The following TSEN54 variants were observed in gnomAD, a reference collection of about 807,000 sequenced individuals.
TSEN54 encodes the protein tRNA-splicing endonuclease subunit Sen54.
TSEN54 carries 55 observed loss-of-function variants against 61.9 expected under a neutral mutation model. The ratio of observed to expected loss-of-function variants is 0.89; its 90% confidence interval spans 0.72 to 1.11. TSEN54 has a LOEUF of 1.11. Ranked by LOEUF, TSEN54 falls within the 50% of genes most tolerant of loss-of-function variation. The pLI is 0.00. For synonymous variants in TSEN54, 304 were observed against 288.7 expected, an observed-to-expected ratio of 1.05 and a Z score of -0.54; for missense variants, 760 against 687.7, an observed-to-expected ratio of 1.11 and a Z score of -1.18.
intron 5 of TSEN54, among the ~76,000 whole-genome samples, chr17:75,518,282 A>AT (rs1327782053): frequency 6.6e-6 from 1 of 152,206 alleles, no homozygotes; most frequent in Non-Finnish European, 1.5e-5. Context: ...CCATGAGCAC[A>AT]TGGATGGTAT....
chr17:75,518,914 G>T, intron 5 of TSEN54, 81 bp from the exon 6 acceptor site: 1 of 1,604,758 alleles, frequency 6.2e-7, no homozygotes, highest in South Asian at 1.1e-5. Context: ...GAGGGCTGTG[G>T]GGATGGCCTG....
Position 75,517,599 on chromosome 17 carries a change from C to T in TSEN54, c.412C>T (p.Gln138Ter), listed in dbSNP as rs1237068021. ...CCACCAAGACCTGCCACTGTCTATC[C>T]AGGAAGCTTACCAGCTGCTGCTGAC... ...LFHQDLPLSI[Q>*]EAYQLLLTDH... The change falls in exon 5 of 11, where the codon CAG becomes TAG. Residue 138 changes from glutamine to a stop codon, truncating the protein, a stop_gained. Transcript: ENST00000333213. LOFTEE classifies it high-confidence loss of function. 1 of 1,614,008 alleles carries T rather than the reference C, an allele frequency of 6.2e-7. No individual in the cohort carries two copies. The highest frequency in any genetic ancestry group is 1.7e-5 in the Admixed American group (1 of 60,022).
At chr17:75,522,874 T>TAA (rs58545411) in intron 8 of TSEN54, 267 of 262,904 alleles carry the variant, frequency 1.0e-3, no homozygotes, top group African/African-American at 4.5e-3. Flanking sequence ...ATGCTTATAC[T>TAA]AAAAAAAAAA....
intron 9 of TSEN54, 40 bp from the exon 10 acceptor site, chr17:75,523,623 A>G (rs1021562067): frequency 1.9e-6 from 3 of 1,613,988 alleles, no homozygotes; most frequent in Middle Eastern, 1.6e-4. Flanking sequence ...AAGGTTGGGG[A>G]GAAGAGTTCA....
At chr17:75,520,428 AAAAAAAAATC>A (rs1374161992) in intron 6 of TSEN54, among the ~76,000 whole-genome samples, 1 of 147,904 alleles carries the variant, frequency 6.8e-6, no homozygotes, top group Non-Finnish European at 1.5e-5. Context: ...AAAAAAAAAA[AAAAAAAAATC>A]AGCCAGGTGT....
chr17:75,516,628 C>T lies in TSEN54; in HGVS notation c.56+12C>T. The T allele has an allele frequency of 8.3e-7, 1 of 1,201,124 alleles. No individual in the cohort carries two copies. Among genetic ancestry groups the T allele is most frequent in the Non-Finnish European group, 1.0e-6 (1 of 969,596 alleles). The allele number at this position is 1,201,124 out of a possible 1,614,324, so 74.4% of individuals were successfully genotyped here. The stretch of plus-strand genomic sequence containing the variant: ...GGGCGCGTGCTCAGGTGCGGCGCGG[C>T]CCGGCCGGAGTGGGTGTCGGGGGCG... On this transcript the variant is annotated intron_variant, in intron 1 of 10. Coordinates refer to ENST00000333213, the MANE Select transcript of TSEN54 (RefSeq NM_207346.3).
chr17:75,522,389 G>A, intron 8 of TSEN54, 56 bp downstream of exon 8: 1 of 1,537,908 alleles, frequency 6.5e-7, no homozygotes, highest in East Asian at 2.4e-5. Context: ...GGAATCACAG[G>A]ACTTTGGAAA....
In TSEN54 at chr17:75,517,069, C is replaced by A; in HGVS notation, c.282C>A (p.Pro94=). The change falls in exon 3 of 11, where the codon CCC becomes CCA. Residue 94 remains proline (P), a synonymous_variant. Coordinates refer to ENST00000333213, the MANE Select transcript of TSEN54 (RefSeq NM_207346.3). ...PEEGFVELKS[P]AGKFWQTMGF... The stretch of plus-strand genomic sequence containing the variant: ...AGGGCTTCGTGGAGTTGAAGTCTCC[C>A]GCGGTGAGCGGCGGGCTCGGGGACC... 2 of 1,595,446 alleles carry A rather than the reference C, an allele frequency of 1.3e-6. No homozygotes were observed. Among genetic ancestry groups the A allele is most frequent in the East Asian group, 2.3e-5 (1 of 44,066 alleles).
chr17:75,518,672 T>C (rs2053398326), intron 5 of TSEN54: 1 of 985,320 alleles, frequency 1.0e-6, no homozygotes, highest in African/African-American at 1.7e-5. Context: ...GATCGGCAGC[T>C]TCACTCCTAT....
Position 75,522,139 on chromosome 17 carries a change from G to A in TSEN54, c.1058G>A (p.Arg353Gln), listed in dbSNP as rs748340945. ...QRKEKLSRREREHHAEAAQFQ... is the reference protein window; with the variant it reads ...QRKEKLSRREQEHHAEAAQFQ... ...AAGGAGAAGCTCTCCAGGCGGGAAC[G>A]GGAGCACCACGCGGAGGCCGCGCAG... Residue 353 changes from arginine to glutamine, a missense_variant, in exon 8 of 11, where the codon CGG becomes CAG. By Grantham distance (43) the Arg-to-Gln change is conservative (BLOSUM62 1). Transcript: ENST00000333213. 2.9e-5 allele frequency: 45 copies of A among 1,564,522 alleles called. No homozygotes were observed. Among genetic ancestry groups the A allele is most frequent in the Non-Finnish European group, 3.7e-5 (43 of 1,153,490 alleles).
chr17:75,522,469 C>A, intron 8 of TSEN54, 136 bp downstream of exon 8: 1 of 1,511,084 alleles, frequency 6.6e-7, no homozygotes, highest in South Asian at 1.2e-5. Context: ...CCCACAAGCA[C>A]GGTCAGTTCT....
In TSEN54 at chr17:75,519,044, C is replaced by T. The variant is rs2053401872; in HGVS notation, c.518C>T (p.Pro173Leu). ...RLGYVVRRFQ[P>L]SSVLSPYERQ... The stretch of plus-strand genomic sequence containing the variant: ...GGTTATGTGGTTCGACGATTCCAAC[C>T]AAGGTAAATCCCCTTCCTGTTCCCC... The change falls in exon 6 of 11, where the codon CCA becomes CTA. Residue 173 changes from proline (P) to leucine (L), a missense_variant. By Grantham distance (98) the Pro-to-Leu change is moderately conservative. Transcript: ENST00000333213. 3 of 1,613,960 alleles carry T rather than the reference C, an allele frequency of 1.9e-6. No homozygotes were observed. The East Asian group carries it at 6.7e-5, about 36-fold the overall frequency.
In TSEN54 at chr17:75,521,458, C is replaced by T; in HGVS notation, c.571C>T (p.Gln191Ter). ...GCAGCTTAACCTGGATGCCAGCGTG[C>T]AGCACTTGGAGGATGGAGATGGCAA... ...ERQLNLDASV[Q>*]HLEDGDGKRK... The change falls in exon 7 of 11, where the codon CAG becomes TAG. Residue 191 changes from glutamine (Q) to a stop codon, truncating the protein, a stop_gained. Transcript: ENST00000333213. LOFTEE classifies it high-confidence loss of function. The T allele has an allele frequency of 6.2e-7, 1 of 1,614,116 alleles. No individual in the cohort carries two copies. The highest frequency in any genetic ancestry group is 8.5e-7 in the Non-Finnish European group (1 of 1,180,024).
At chr17:75,522,673 G>A in intron 8 of TSEN54, 2 of 330,492 alleles carry the variant, frequency 6.1e-6, no homozygotes, top group Non-Finnish European at 8.6e-6. Flanking sequence ...GTGAAAGAAA[G>A]GCTTGCTGTC....
At chr17:75,517,778 G>C in intron 5 of TSEN54, 123 bp downstream of exon 5, 1 of 849,908 alleles carries the variant, frequency 1.2e-6, no homozygotes. Flanking sequence ...CGAGGGCTAT[G>C]CTGTCACGAG....
In TSEN54 at chr17:75,521,402, C is replaced by G. The variant is rs770120878; in HGVS notation, c.522-7C>G. 1.2e-5 allele frequency: 19 copies of G among 1,612,920 alleles called. No individual in the cohort carries two copies. Among genetic ancestry groups the G allele is most frequent in the Non-Finnish European group, 1.5e-5 (18 of 1,179,164 alleles). On this transcript the variant is annotated splice_polypyrimidine_tract_variant and splice_region_variant and intron_variant, in intron 6 of 10. Coordinates refer to ENST00000333213, the MANE Select transcript of TSEN54 (RefSeq NM_207346.3). ...TCAGTGGCCCACCCGCTGTTCTCAC[C>G]CCACAGCTCTGTCCTGTCCCCGTAT...
chr17:75,517,233 C>A lies in TSEN54; in HGVS notation c.358C>A (p.Leu120Ile). 1.3e-6 allele frequency: 2 copies of A among 1,599,686 alleles called. No individual in the cohort carries two copies. The highest frequency in any genetic ancestry group is 1.7e-6 in the Non-Finnish European group (2 of 1,173,370). Residue 120 changes from leucine to isoleucine, a missense_variant, in exon 4 of 11, where the codon CTT becomes ATT. Transcript: ENST00000333213. Reference sequence around the variant, plus strand: ...CCTTCACCCGGAAGAGGCCTTGTATCTTCTGGAGTGTGTAAGTGGGGCCCG... The same window carrying A: ...CCTTCACCCGGAAGAGGCCTTGTATATTCTGGAGTGTGTAAGTGGGGCCCG... ...QRLHPEEALY[L>I]LECGSIHLFH...
chr17:75,519,120 TG>T (rs2053403008), intron 6 of TSEN54, 73 bp downstream of exon 6: 1 of 1,552,992 alleles, frequency 6.4e-7, no homozygotes, highest in Admixed American at 1.7e-5. Context: ...AGGTAGAAAA[TG>T]GCCTCTCCTT....
chr17:75,518,756 G>A lies in TSEN54; in HGVS notation c.469-239G>A, dbSNP rs1424940746. The A allele has an allele frequency of 4.1e-6, 4 of 985,250 alleles. No homozygotes were observed. The East Asian group carries it at 4.5e-4, about 112-fold the overall frequency. 61.0% of individuals were successfully genotyped at this position (985,250 alleles called of 1,614,324 possible). ...GGTTTCATGGCTATCAGTTTTTTTG[G>A]ATTTGGCTAAATGTCATTTGTGCCG... On this transcript the variant is annotated intron_variant, in intron 5 of 10. Transcript: ENST00000333213.
Sources: allele counts gnomAD v4.1 joint callset (sites outside exome capture counted in the v4.1 genomes callset), GRCh38; gene constraint gnomAD v4.1.1; transcripts MANE v1.5; gene names NCBI Gene and HGNC (gene_info 2026-07-23, HGNC 2026-07-21).